Variants in ERC1 observed in about 807,000 individuals in gnomAD.
ERC1 encodes ELKS/RAB6-interacting/CAST family member 1, also known as RAB6 interacting protein 2.
ERC1 carries 56 observed loss-of-function variants against 132.0 expected under a neutral mutation model. The ratio of observed to expected loss-of-function variants is 0.42; its 90% CI spans 0.34 to 0.53. The LOEUF (loss-of-function observed/expected upper bound fraction) is 0.53, where lower values mean the gene tolerates loss of function less well. Among genes scored for constraint, ERC1 ranks in the 20% least tolerant of loss-of-function variants. The pLI, the probability that ERC1 is intolerant of heterozygous loss-of-function variation, is 0.03. For synonymous variants in ERC1, 478 were observed against 476.1 expected (o/e 1.00, Z -0.05); for missense variants, 1,202 against 1,349.9 (o/e 0.89, Z 1.72).
chr12:1,126,242 G>T (rs1325820232), intron 7 of ERC1, among the ~76,000 whole-genome samples: 3 of 152,178 alleles, frequency 2.0e-5, no homozygotes, highest in African/African-American at 7.2e-5. Context: ...TGTGAGACAT[G>T]AAAATACAGA....
intron 8 of ERC1, among the ~76,000 whole-genome samples, chr12:1,169,254 G>C (rs537269924): frequency 2.1e-4 from 32 of 152,298 alleles, no homozygotes; most frequent in African/African-American, 7.0e-4. Flanking sequence ...TATTTCCCCA[G>C]ATCGCTGGAA....
chr12:1,190,079 T>C (rs1955549188), intron 12 of ERC1, 27 bp downstream of exon 12: 2 of 1,579,994 alleles, frequency 1.3e-6, no homozygotes, highest in Middle Eastern at 1.7e-4. Flanking sequence ...GATTGGGGCT[T>C]ATGAGGTTAA....
chr12:1,196,915 C>CT (rs1956338610), intron 12 of ERC1, among the ~76,000 whole-genome samples: 1 of 19,676 alleles, frequency 5.1e-5, no homozygotes. Flanking sequence ...TACACACACA[C>CT]ACACACACAC....
chr12:1,447,318 A>C (rs1028581630), intron 18 of ERC1, among the ~76,000 whole-genome samples: 5 of 151,962 alleles, frequency 3.3e-5, no homozygotes, highest in Non-Finnish European at 5.9e-5. Flanking sequence ...AGGAGTTCAA[A>C]ACCAGCCTGG....
At chr12:1,161,095 A>G (rs1393869348) in intron 8 of ERC1, among the ~76,000 whole-genome samples, 1 of 152,220 alleles carries the variant, frequency 6.6e-6, no homozygotes, top group African/African-American at 2.4e-5. Context: ...CAGTCTTTCT[A>G]AACCGTCCTC....
At chr12:1,002,245 C>G (rs545812170) in intron 1 of ERC1, among the ~76,000 whole-genome samples, 14 of 134,488 alleles carry the variant, frequency 1.0e-4, no homozygotes, top group African/African-American at 3.6e-4. Context: ...GTGATCATGG[C>G]TCACTGCAGC....
intron 8 of ERC1, among the ~76,000 whole-genome samples, chr12:1,178,240 C>T (rs1242386539): frequency 6.6e-6 from 1 of 152,164 alleles, no homozygotes; most frequent in Non-Finnish European, 1.5e-5. Flanking sequence ...AAGAAACTAC[C>T]TGACAATTGG....
intron 17 of ERC1, among the ~76,000 whole-genome samples, chr12:1,411,331 CTA>C (rs1269464891): frequency 6.6e-6 from 1 of 152,200 alleles, no homozygotes; most frequent in Admixed American, 6.5e-5. Context: ...CTGCCCATGC[CTA>C]TCAGTGATCT....
At chr12:1,112,620 CCTT>C (rs1287559276) in intron 6 of ERC1, among the ~76,000 whole-genome samples, 1 of 152,192 alleles carries the variant, frequency 6.6e-6, no homozygotes, top group Admixed American at 6.5e-5. Context: ...TGAATGGCGG[CCTT>C]CTTTTCTTCC....
At chr12:1,358,890 A>G (rs1328292271) in intron 15 of ERC1, among the ~76,000 whole-genome samples, 2 of 152,256 alleles carry the variant, frequency 1.3e-5, no homozygotes, top group African/African-American at 2.4e-5. Flanking sequence ...ATGCTAAATC[A>G]TTTAGAATTT....
At chr12:1,415,643 C>G (rs1012264003) in intron 17 of ERC1, among the ~76,000 whole-genome samples, 7 of 152,218 alleles carry the variant, frequency 4.6e-5, no homozygotes, top group African/African-American at 9.6e-5. Flanking sequence ...GTTAAATTAT[C>G]TTGCAGAATT....
intron 15 of ERC1, among the ~76,000 whole-genome samples, chr12:1,293,001 T>C (rs1053517679): frequency 2.0e-5 from 3 of 150,142 alleles, no homozygotes; most frequent in African/African-American, 7.4e-5. Flanking sequence ...AAAAATTAGC[T>C]GGGTGTGGTG....
At chr12:1,390,411 A>C (rs966847791) in intron 16 of ERC1, among the ~76,000 whole-genome samples, 12 of 152,344 alleles carry the variant, frequency 7.9e-5, no homozygotes, top group African/African-American at 2.9e-4. Flanking sequence ...AAATCAATAC[A>C]TTTAAAAAAT....
Position 1,371,803 on chromosome 12 carries a change from GGCGCTGTTGGCATTT to G in ERC1, c.2781-27_2781-13del. 6.2e-7 allele frequency: 1 copy of G among 1,606,852 alleles called. No homozygotes were observed. Among genetic ancestry groups the G allele is most frequent in the Non-Finnish European group, 8.5e-7 (1 of 1,177,304 alleles). On this transcript the variant is annotated splice_polypyrimidine_tract_variant and intron_variant, in intron 15 of 18. Coordinates refer to ENST00000360905, the MANE Select transcript of ERC1 (RefSeq NM_178040.4). ...CAAAGAATTGTTGGAAGGGGTGAAT[GGCGCTGTTGGCATTT>G]GCTTTCTTTTGCAGGCAAGAAGCTC...
intron 18 of ERC1, among the ~76,000 whole-genome samples, chr12:1,468,884 C>T (rs921939007): frequency 1.1e-4 from 17 of 152,226 alleles, no homozygotes; most frequent in African/African-American, 4.1e-4. Flanking sequence ...TCTTCCATTT[C>T]AGACCTTTTC....
chr12:1,210,876 TC>T (rs1957802550), intron 12 of ERC1, among the ~76,000 whole-genome samples: 1 of 151,884 alleles, frequency 6.6e-6, no homozygotes, highest in Non-Finnish European at 1.5e-5. Flanking sequence ...GCGCCTGTAG[TC>T]CCAGCTACTC....
At chr12:1,290,348 A>C (rs1001807834) in intron 15 of ERC1, among the ~76,000 whole-genome samples, 1 of 152,222 alleles carries the variant, frequency 6.6e-6, no homozygotes, top group African/African-American at 2.4e-5. Context: ...GGTTGTATGA[A>C]GACTAGGCAA....
At position 1,292,781 on chromosome 12, in the gene ERC1, C is replaced by T. The variant is rs142928812; in HGVS notation, c.2780+2769C>T. 4.8e-3 allele frequency among the ~76,000 whole-genome samples: 727 copies of T among 152,186 alleles called. 8 individuals carry two copies. Among genetic ancestry groups the T allele is most frequent in the African/African-American group, 0.017 (697 of 41,524 alleles). ...ATCCCAACACTTTGGGAGGCCGAGG[C>T]GGGTGGATCACCTGAGGTCAGGAGT... On this transcript the variant is annotated intron_variant, in intron 15 of 18. Coordinates refer to ENST00000360905, the MANE Select transcript of ERC1 (RefSeq NM_178040.4).
chr12:1,438,954 A>AAAATATAT (rs1015181197), intron 17 of ERC1, among the ~76,000 whole-genome samples: 1,818 of 143,490 alleles, frequency 0.013, 15 homozygotes, highest in Middle Eastern at 0.046. Flanking sequence ...TTTAAAAAAA[A>AAAATATAT]ATATATATAT....
Sources: allele counts gnomAD v4.1 joint callset (sites outside exome capture counted in the v4.1 genomes callset), GRCh38; gene constraint gnomAD v4.1.1; transcripts MANE v1.5; gene names NCBI Gene and HGNC (gene_info 2026-07-23, HGNC 2026-07-21).